MGST1: variants seen among roughly 807,000 people sequenced by gnomAD.
MGST1 encodes microsomal glutathione S-transferase 1, also known as glutathione S-transferase 12.
In MGST1, 5 loss-of-function variants were observed where a neutral mutation model predicts 8.9. The ratio of observed to expected loss-of-function variants is 0.56; its 90% CI spans 0.29 to 1.19. The LOEUF is 1.19. MGST1 is among the 50% of genes most tolerant of loss of function. The pLI, the probability that MGST1 is intolerant of heterozygous loss-of-function variation, is 0.08. For missense variants in MGST1, 182 were observed against 187.4 expected, an observed-to-expected ratio of 0.97 and a Z score of 0.17; for synonymous variants, 54 against 67.8, an observed-to-expected ratio of 0.80 and a Z score of 1.00.
At chr12:16,399,367 C>A in intron 1 of MGST1, 2 of 1,527,774 alleles carry the variant, frequency 1.3e-6, no homozygotes, top group Non-Finnish European at 1.8e-6. Flanking sequence ...TGCACAGATG[C>A]CTTCCTCTTC....
intron 3 of MGST1, among the ~76,000 whole-genome samples, chr12:16,372,729 C>T (rs1423249611): frequency 6.6e-6 from 1 of 151,720 alleles, no homozygotes; most frequent in East Asian, 1.9e-4. Context: ...TCTGTACTCT[C>T]ACGTGTATTA....
At chr12:16,543,621 T>G (rs1941804623) in intron 4 of MGST1, among the ~76,000 whole-genome samples, 2 of 151,940 alleles carry the variant, frequency 1.3e-5, no homozygotes, top group South Asian at 4.1e-4. Flanking sequence ...CTTAGATTGT[T>G]TCATTTAATC....
chr12:16,585,885 A>G lies in MGST1; in HGVS notation n.483-3643A>G, dbSNP rs1477517483. ...TATGATTCACAGGCCCAAGTAAAACATCATTTAGTCATTTATAGTCTCAGA... is the reference window on the plus strand; with the variant it reads ...TATGATTCACAGGCCCAAGTAAAACGTCATTTAGTCATTTATAGTCTCAGA... On this transcript the variant is annotated intron_variant and non_coding_transcript_variant, in intron 4 of 4. Coordinates refer to the MGST1 transcript ENST00000538857. This position sits in a 1 kb window ranked among gnomAD's most constrained non-coding sequence, Gnocchi z 4.7. Among the ~76,000 whole-genome samples the G allele has an allele frequency of 6.6e-6, 1 of 152,210 alleles. No individual in the cohort carries two copies. Among genetic ancestry groups the G allele is most frequent in the Admixed American group, 6.5e-5 (1 of 15,278 alleles).
intron 4 of MGST1, chr12:16,573,853 G>A (rs951397779): frequency 3.3e-5 from 5 of 152,178 alleles, no homozygotes; most frequent in Admixed American, 3.3e-4. Context: ...CTAGATTGAC[G>A]TCGCCAAATC....
At position 16,560,361 on chromosome 12, in the gene MGST1, C is replaced by G; in HGVS notation, n.483-29167C>G. ...TAATTTCCACCTATTAAATAAATAG[C>G]CAGCACAGAGAGGTTAACCATTTCT... On this transcript the variant is annotated intron_variant and non_coding_transcript_variant, in intron 4 of 4. Transcript: ENST00000538857. The surrounding 1 kb of genome is among the most constrained non-coding windows in gnomAD (Gnocchi z 5.0). 1.3e-6 allele frequency: 2 copies of G among 1,562,468 alleles called. No homozygotes were observed. Among genetic ancestry groups the G allele is most frequent in the Non-Finnish European group, 1.7e-6 (2 of 1,153,134 alleles).
intron 1 of MGST1, among the ~76,000 whole-genome samples, chr12:16,395,804 T>TATATATATATATATATATACAC (rs1338860243): frequency 1.6e-5 from 2 of 123,696 alleles, no homozygotes; most frequent in Non-Finnish European, 3.2e-5. Flanking sequence ...TATATATATA[T>TATATATATATATATATATACAC]ACACACACAC....
chr12:16,396,269 A>G (rs1029650251), intron 1 of MGST1, among the ~76,000 whole-genome samples: 1 of 152,180 alleles, frequency 6.6e-6, no homozygotes, highest in Admixed American at 6.5e-5. Context: ...CAAAATTGGC[A>G]TACAAGGAAC....
chr12:16,353,516 A>G (rs1418089558), intron 1 of MGST1: 2 of 152,164 alleles, frequency 1.3e-5, no homozygotes, highest in African/African-American at 4.8e-5. Flanking sequence ...GGCCTTCCTA[A>G]GTTCAGTGCT....
chr12:16,470,072 A>T (rs1046645934), intron 4 of MGST1, among the ~76,000 whole-genome samples: 1 of 152,198 alleles, frequency 6.6e-6, no homozygotes, highest in Admixed American at 6.5e-5. Flanking sequence ...AGTGTCTATG[A>T]CTAATAATTG....
intron 4 of MGST1, among the ~76,000 whole-genome samples, chr12:16,502,730 C>A (rs1428378699): frequency 6.6e-6 from 1 of 152,180 alleles, no homozygotes; most frequent in Non-Finnish European, 1.5e-5. Flanking sequence ...ACAGCACCCT[C>A]CTCTCTTGCT....
intron 4 of MGST1, among the ~76,000 whole-genome samples, chr12:16,511,155 G>A (rs1042800402): frequency 2.6e-5 from 4 of 152,106 alleles, no homozygotes; most frequent in African/African-American, 7.2e-5. Flanking sequence ...TATCACAGCC[G>A]AGCTGAAAGT....
chr12:16,354,411 T>G, intron 2 of MGST1, 33 bp downstream of exon 2: 1 of 1,577,598 alleles, frequency 6.3e-7, no homozygotes, highest in Admixed American at 2.1e-5. Flanking sequence ...TTTCTTACTT[T>G]TAAGAGTTGG....
At chr12:16,448,486 C>G (rs536772669) in intron 4 of MGST1, among the ~76,000 whole-genome samples, 245 of 151,590 alleles carry the variant, frequency 1.6e-3, no homozygotes, top group African/African-American at 5.7e-3. Context: ...CAAAAAATAT[C>G]AAGGTGGAAG....
chr12:16,533,144 ATTTTG>A (rs1476752016), intron 4 of MGST1, among the ~76,000 whole-genome samples: 2 of 152,022 alleles, frequency 1.3e-5, no homozygotes, highest in Non-Finnish European at 2.9e-5. Context: ...GTTTTGCTTC[ATTTTG>A]TTTTGTTTTA....
chr12:16,419,747 C>G (rs1042417334), intron 1 of MGST1, among the ~76,000 whole-genome samples: 1 of 152,124 alleles, frequency 6.6e-6, no homozygotes, highest in African/African-American at 2.4e-5. Flanking sequence ...TTATATATCT[C>G]AGCCTGAAGA....
chr12:16,486,795 TG>T (rs2137151810), intron 4 of MGST1, among the ~76,000 whole-genome samples: 1 of 152,322 alleles, frequency 6.6e-6, no homozygotes, highest in South Asian at 2.1e-4. Context: ...TTACAAGTTT[TG>T]GGACTTCAGC....
chr12:16,412,975 A>G lies in MGST1; in HGVS notation n.779-24413A>G, dbSNP rs537068954. On this transcript the variant is annotated intron_variant and non_coding_transcript_variant, in intron 1 of 1. Coordinates refer to the MGST1 transcript ENST00000359720. Reference sequence around the variant, plus strand: ...GCTCTTGATTCAAGAAGGACTCAGAATGAAGCAGAACATAGATAATATGTC... The same window carrying G: ...GCTCTTGATTCAAGAAGGACTCAGAGTGAAGCAGAACATAGATAATATGTC... Among the ~76,000 whole-genome samples the G allele has an allele frequency of 1.1e-4, 17 of 152,322 alleles. No homozygotes were observed. In the South Asian group the frequency reaches 3.5e-3, roughly 32 times the overall value.
In MGST1 at chr12:16,362,432, CAAAGG is replaced by C. The variant is rs1940043814; in HGVS notation, c.222-1356_222-1352del. On this transcript the variant is annotated intron_variant, in intron 3 of 3. Transcript: ENST00000396210. The surrounding 1 kb of genome is among the most constrained non-coding windows in gnomAD (Gnocchi z 4.4). ...TAGAGATAATCTAGGGAAGACAAGA[CAAAGG>C]AAAGGAGAGGAGGAGAGTGACGATC... 6.6e-6 allele frequency: 1 copy of C among 151,622 alleles called. No homozygotes were observed. Among genetic ancestry groups the C allele is most frequent in the Non-Finnish European group, 1.5e-5 (1 of 67,994 alleles). The allele number at this position is 151,622 out of a possible 1,614,324, so 9.4% of individuals were successfully genotyped here.
chr12:16,545,345 C>T lies in MGST1; in HGVS notation n.483-44183C>T, dbSNP rs151041870. On this transcript the variant is annotated intron_variant and non_coding_transcript_variant, in intron 4 of 4. Coordinates refer to the MGST1 transcript ENST00000538857. Reference sequence around the variant, plus strand: ...GCAGCAAACATTATATTTTATGCACCGATGTCTCTCAGGCAAATAACACTT... The same window carrying T: ...GCAGCAAACATTATATTTTATGCACTGATGTCTCTCAGGCAAATAACACTT... Among the ~76,000 whole-genome samples the T allele has an allele frequency of 2.0e-4, 30 of 152,032 alleles. No individual in the cohort carries two copies. In the South Asian group the frequency reaches 4.2e-3, roughly 21 times the overall value.
Sources: allele counts gnomAD v4.1 joint callset (sites outside exome capture counted in the v4.1 genomes callset), GRCh38; gene constraint gnomAD v4.1.1; non-coding constraint Gnocchi (gnomAD v3.1); transcripts MANE v1.5; gene names NCBI Gene and HGNC (gene_info 2026-07-23, HGNC 2026-07-21).